Variants in NEMP2 observed in about 807,000 individuals in gnomAD.
NEMP2 encodes the protein nuclear envelope integral membrane protein 2.
A neutral mutation model predicts 54.2 loss-of-function variants in NEMP2; 53 were observed. The observed-to-expected ratio is 0.98, with a 90% CI of 0.78 to 1.23. The LOEUF (loss-of-function observed/expected upper bound fraction) is 1.23, where lower values mean the gene tolerates loss of function less well. Among genes scored for constraint, NEMP2 ranks in the 50% most tolerant of loss-of-function variants. The pLI, the probability that NEMP2 is intolerant of heterozygous loss-of-function variation, is 0.00. For synonymous variants in NEMP2, 197 were observed against 190.3 expected, an observed-to-expected ratio of 1.04 and a Z score of -0.29; for missense variants, 455 against 511.3, an observed-to-expected ratio of 0.89 and a Z score of 1.06.
At chr2:190,488,836 CTTTT>C in the NEMP2 span, 2 of 1,514,054 alleles carry the variant, frequency 1.3e-6, no homozygotes, top group Middle Eastern at 1.8e-4. The surrounding 1 kb of genome is among the most constrained non-coding windows in gnomAD (Gnocchi z 6.4). Context: ...TGGCTTTCTC[CTTTT>C]TTTTCTTTTC....
chr2:190,642,397 T>C, the NEMP2 span, among the ~76,000 whole-genome samples: 1 of 152,218 alleles, frequency 6.6e-6, no homozygotes, highest in Non-Finnish European at 1.5e-5. This position sits in a 1 kb window ranked among gnomAD's most constrained non-coding sequence, Gnocchi z 4.1. Flanking sequence ...CCTTTATACC[T>C]TAAAATTCTA....
At chr2:190,524,625 C>A (rs1338768094) in intron 2 of NEMP2, among the ~76,000 whole-genome samples, 1 of 152,172 alleles carries the variant, frequency 6.6e-6, no homozygotes, top group East Asian at 1.9e-4. Context: ...TTTGCTCCCA[C>A]TTCTCTCATC....
chr2:190,576,594 T>C, the NEMP2 span, among the ~76,000 whole-genome samples: 1 of 144,868 alleles, frequency 6.9e-6, no homozygotes, highest in Non-Finnish European at 1.5e-5. Context: ...ACATACTGAA[T>C]TGAGGGTGAA....
At chr2:190,517,475 G>C (rs1690601229) in intron 5 of NEMP2, 45 bp downstream of exon 5, 3 of 1,324,492 alleles carry the variant, frequency 2.3e-6, no homozygotes, top group South Asian at 2.7e-5. Context: ...ATGTCTGTAA[G>C]ATCATGATTT....
rs1009806530 is a variant in NEMP2, at chr2:190,525,604, G to A, written c.98-226C>T. Among the ~76,000 whole-genome samples, 7 of 152,076 alleles carry A rather than the reference G, an allele frequency of 4.6e-5. No individual in the cohort carries two copies. Among genetic ancestry groups the A allele is most frequent in the African/African-American group, 1.7e-4 (7 of 41,402 alleles). On this transcript the variant is annotated intron_variant, in intron 1 of 8. Transcript: ENST00000409150. This position sits in a 1 kb window ranked among gnomAD's most constrained non-coding sequence, Gnocchi z 5.0. ...TATGACATTGGAGGGCACTATAAGA[G>A]CACAGAGAACAAGTACTTCTTCAAT... is the stretch of plus-strand genomic sequence containing the variant.
the NEMP2 span, among the ~76,000 whole-genome samples, chr2:190,637,344 T>G: frequency 1.3e-5 from 2 of 152,338 alleles, no homozygotes; most frequent in East Asian, 3.9e-4. The surrounding 1 kb of genome is among the most constrained non-coding windows in gnomAD (Gnocchi z 4.5). Flanking sequence ...ACTATTCTCA[T>G]GTCTGACACT....
chr2:190,543,638 C>G, the NEMP2 span, among the ~76,000 whole-genome samples: 1 of 152,172 alleles, frequency 6.6e-6, no homozygotes, highest in Admixed American at 6.5e-5. The surrounding 1 kb of genome is among the most constrained non-coding windows in gnomAD (Gnocchi z 4.7). Context: ...CAGGAACTGT[C>G]TCATCCTCCT....
downstream of NEMP2, chr2:190,499,954 T>G: frequency 2.5e-6 from 4 of 1,605,468 alleles, no homozygotes; most frequent in South Asian, 3.3e-5. This position sits in a 1 kb window ranked among gnomAD's most constrained non-coding sequence, Gnocchi z 6.0. Context: ...AAAGCATATA[T>G]AAAAAGTTGG....
At chr2:190,610,595 A>C in the NEMP2 span, 4 of 152,248 alleles carry the variant, frequency 2.6e-5, no homozygotes, top group African/African-American at 9.6e-5. This position sits in a 1 kb window ranked among gnomAD's most constrained non-coding sequence, Gnocchi z 5.4. Flanking sequence ...TGGTAAAATA[A>C]CCAGTTTTTC....
At chr2:190,610,575 T>C in the NEMP2 span, 1 of 152,212 alleles carries the variant, frequency 6.6e-6, no homozygotes, top group Non-Finnish European at 1.5e-5. This position sits in a 1 kb window ranked among gnomAD's most constrained non-coding sequence, Gnocchi z 5.4. Context: ...ACCATTCCAG[T>C]CAAAGCCCTT....
the NEMP2 span, among the ~76,000 whole-genome samples, chr2:190,456,036 G>A: frequency 1.4e-5 from 2 of 145,620 alleles, no homozygotes; most frequent in South Asian, 2.2e-4. The surrounding 1 kb of genome is among the most constrained non-coding windows in gnomAD (Gnocchi z 5.4). Flanking sequence ...TGCCTCCTGG[G>A]TTCAAGCAGT....
the NEMP2 span, among the ~76,000 whole-genome samples, chr2:190,474,314 G>T: frequency 6.6e-6 from 1 of 152,022 alleles, no homozygotes; most frequent in Non-Finnish European, 1.5e-5. Flanking sequence ...TTGATAGACC[G>T]CTAGCAAGAC....
chr2:190,510,828 C>T lies in NEMP2; in HGVS notation c.954-291G>A, dbSNP rs1690336835. On this transcript the variant is annotated intron_variant, in intron 7 of 8. Coordinates refer to ENST00000409150, the MANE Select transcript of NEMP2 (RefSeq NM_001142645.2). The surrounding 1 kb of genome is among the most constrained non-coding windows in gnomAD (Gnocchi z 5.7). ...CCTGGGAGGCAGAGGTTGCAGTAAG[C>T]CGAGATCGCGCCACTGCACTCCAGC... 6.6e-6 allele frequency among the ~76,000 whole-genome samples: 1 copy of T among 151,382 alleles called. No individual in the cohort carries two copies.
At chr2:190,627,431 C>G in the NEMP2 span, among the ~76,000 whole-genome samples, 1 of 152,122 alleles carries the variant, frequency 6.6e-6, no homozygotes, top group Admixed American at 6.5e-5. The surrounding 1 kb of genome is among the most constrained non-coding windows in gnomAD (Gnocchi z 4.4). Context: ...TGAAGATTTC[C>G]AAACACCTCT....
Position 190,531,213 on chromosome 2 carries a change from G to A in NEMP2, c.97+3346C>T, listed in dbSNP as rs1048848891. Among the ~76,000 whole-genome samples the A allele has an allele frequency of 2.0e-5, 3 of 152,190 alleles. No homozygotes were observed. Among genetic ancestry groups the A allele is most frequent in the African/African-American group, 7.2e-5 (3 of 41,434 alleles). On this transcript the variant is annotated intron_variant, in intron 1 of 8. Coordinates refer to ENST00000409150, the MANE Select transcript of NEMP2 (RefSeq NM_001142645.2). This position sits in a 1 kb window ranked among gnomAD's most constrained non-coding sequence, Gnocchi z 4.7. ...AAAGCTACTGCTTCTACTTGAGGCTGAGGTATTTAATATGTCCGTACCCTG... is the reference window on the plus strand; with the variant it reads ...AAAGCTACTGCTTCTACTTGAGGCTAAGGTATTTAATATGTCCGTACCCTG...
At chr2:190,602,216 A>G in the NEMP2 span, among the ~76,000 whole-genome samples, 1 of 152,232 alleles carries the variant, frequency 6.6e-6, no homozygotes, top group Non-Finnish European at 1.5e-5. Context: ...GAATTTGCTC[A>G]TATGATCGTG....
Position 190,522,067 on chromosome 2 carries a change from T to A in NEMP2, c.214-2884A>T, listed in dbSNP as rs993197663. ...AAACTGATTGTCTACAAGGGTTGGA[T>A]AGGAATTAATAGAGGGAGGAGGGAA... On this transcript the variant is annotated intron_variant, in intron 2 of 8. Transcript: ENST00000409150. The surrounding 1 kb of genome is among the most constrained non-coding windows in gnomAD (Gnocchi z 5.0). Among the ~76,000 whole-genome samples the A allele has an allele frequency of 1.3e-5, 2 of 152,174 alleles. No homozygotes were observed. Among genetic ancestry groups the A allele is most frequent in the Non-Finnish European group, 2.9e-5 (2 of 68,008 alleles).
At chr2:190,421,855 G>A in the NEMP2 span, among the ~76,000 whole-genome samples, 4 of 151,984 alleles carry the variant, frequency 2.6e-5, no homozygotes, top group Admixed American at 2.6e-4. Flanking sequence ...TAAAATTCTT[G>A]TATCTGTATT....
chr2:190,455,232 TATTA>T, the NEMP2 span, among the ~76,000 whole-genome samples: 5 of 151,910 alleles, frequency 3.3e-5, no homozygotes. Flanking sequence ...ATTAAGTTAC[TATTA>T]ATTACTATGA....
Sources: gnomAD v4.1 joint callset for allele counts (sites outside exome capture counted in the v4.1 genomes callset) on GRCh38, gnomAD v4.1.1 for gene constraint, Gnocchi (gnomAD v3.1) non-coding constraint, MANE v1.5 for transcripts, NCBI Gene and HGNC (gene_info 2026-07-23, HGNC 2026-07-21) for gene names.